SH3KBP1: variants seen among roughly 807,000 people sequenced by gnomAD.
The protein encoded by SH3KBP1 is SH3 domain-containing kinase-binding protein 1.
SH3KBP1 carries 8 observed loss-of-function variants against 50.1 expected under a neutral mutation model. The ratio of observed to expected loss-of-function variants is 0.16; its 90% confidence interval spans 0.09 to 0.29. The LOEUF (loss-of-function observed/expected upper bound fraction) is 0.29. Ranked by LOEUF, SH3KBP1 falls within the 10% of genes least tolerant of loss-of-function variation. The pLI, the probability that SH3KBP1 is intolerant of heterozygous loss-of-function variation, is 1.00. For synonymous variants in SH3KBP1, 227 were observed against 218.6 expected, an observed-to-expected ratio of 1.04 and a Z score of -0.34; for missense variants, 377 against 535.2, an observed-to-expected ratio of 0.70 and a Z score of 2.92.
In SH3KBP1 at chrX:19,793,313, A is replaced by AATAT. The variant is rs777838672; in HGVS notation, c.162+42808_162+42811dup. Among the ~76,000 whole-genome samples the AATAT allele has an allele frequency of 2.9e-3, 282 of 96,955 alleles. 1 individual carries two copies. Among genetic ancestry groups the AATAT allele is most frequent in the African/African-American group, 4.3e-3 (111 of 25,710 alleles). 84.2% of individuals were successfully genotyped at this position (96,955 alleles called of 115,157 possible). A position where few individuals can be genotyped will look rare whatever the true frequency, so the allele number is the denominator to read the frequency against. ...CAAGACATTGTCTCAAGGAAAAAAA[A>AATAT]ATATATATATATATATATATATATC... On this transcript the variant is annotated intron_variant, in intron 2 of 17. Coordinates refer to ENST00000397821, the MANE Select transcript of SH3KBP1 (RefSeq NM_031892.3).
At chrX:19,872,121 G>T (rs1478192735) in intron 1 of SH3KBP1, among the ~76,000 whole-genome samples, 6 of 108,106 alleles carry the variant, frequency 5.6e-5, no homozygotes, top group Non-Finnish European at 9.6e-5. Flanking sequence ...GCATGGTGAC[G>T]CATGGCTGTA....
At position 19,771,719 on chromosome X, in the gene SH3KBP1, C is replaced by T. The variant is rs147508550; in HGVS notation, c.163-25278G>A. On this transcript the variant is annotated intron_variant, in intron 2 of 17. Transcript: ENST00000397821. ...TCTCTACTAAAACTACAGAAATTAGCCAGGCATGGTGGTGCGCACCAGTAA... is the reference window on the plus strand; with the variant it reads ...TCTCTACTAAAACTACAGAAATTAGTCAGGCATGGTGGTGCGCACCAGTAA... Among the ~76,000 whole-genome samples, 625 of 109,626 alleles carry T rather than the reference C, an allele frequency of 5.7e-3. 7 individuals carry two copies. The highest frequency in any genetic ancestry group is 0.019 in the African/African-American group (568 of 30,099).
chrX:19,852,928 AAGTGGATCAACATTACAAC>A (rs201416083), intron 1 of SH3KBP1, among the ~76,000 whole-genome samples: 2,370 of 111,169 alleles, frequency 0.021, 74 homozygotes, highest in African/African-American at 0.074. Flanking sequence ...CATTGGATAA[AAGTGGATCAACATTACAAC>A]AGTGATATAA....
In SH3KBP1 at chrX:19,536,329, T is replaced by G. The variant is rs1398154150; in HGVS notation, c.*88A>C. On this transcript the variant is annotated 3_prime_UTR_variant, in exon 18 of 18. Transcript: ENST00000397821. Reference sequence around the variant, plus strand: ...GGGACATTTTGAGGCAAACCTTTAATCTTTTGGCACAAGATTATTTTGGCT... The same window carrying G: ...GGGACATTTTGAGGCAAACCTTTAAGCTTTTGGCACAAGATTATTTTGGCT... 1 of 612,316 alleles carries G rather than the reference T, an allele frequency of 1.6e-6. No individual in the cohort carries two copies. Among genetic ancestry groups the G allele is most frequent in the Non-Finnish European group, 2.6e-6 (1 of 382,652 alleles). The allele number at this position is 612,316 out of a possible 1,213,427, so 50.5% of individuals were successfully genotyped here. A position where few individuals can be genotyped will look rare whatever the true frequency, so the allele number is the denominator to read the frequency against.
intron 3 of SH3KBP1, among the ~76,000 whole-genome samples, chrX:19,724,404 G>A (rs1470224454): frequency 6.2e-5 from 7 of 112,139 alleles, no homozygotes; most frequent in Non-Finnish European, 9.4e-5. Flanking sequence ...TATATATTAC[G>A]TATATCTCTT....
chrX:19,653,358 A>G (rs1251721120), intron 6 of SH3KBP1, among the ~76,000 whole-genome samples: 1 of 111,391 alleles, frequency 9.0e-6, no homozygotes, highest in Non-Finnish European at 1.9e-5. Context: ...ACAAGACTCA[A>G]TTTTTAATCA....
At chrX:19,718,482 G>C (rs972756146) in intron 3 of SH3KBP1, among the ~76,000 whole-genome samples, 1 of 111,630 alleles carries the variant, frequency 9.0e-6, no homozygotes, top group Non-Finnish European at 1.9e-5. Flanking sequence ...AGGCAGATTG[G>C]GGGAAGGGTA....
At chrX:19,878,472 T>TTGTGTGTGTGTG (rs56786885) in intron 1 of SH3KBP1, among the ~76,000 whole-genome samples, 62 of 73,033 alleles carry the variant, frequency 8.5e-4, no homozygotes, top group African/African-American at 3.8e-3. Flanking sequence ...CCTGGCTAAT[T>TTGTGTGTGTGTG]TGTGTGTGTG....
intron 12 of SH3KBP1, among the ~76,000 whole-genome samples, chrX:19,585,690 CCAGCAGCAGCAGCAG>C (rs760758680): frequency 9.2e-6 from 1 of 108,706 alleles, no homozygotes; most frequent in Non-Finnish European, 1.9e-5. Flanking sequence ...ACCACCACTA[CCAGCAGCAGCAGCAG>C]CAGCAGCAGC....
chrX:19,773,343 A>G (rs906158663), intron 2 of SH3KBP1, among the ~76,000 whole-genome samples: 1 of 111,379 alleles, frequency 9.0e-6, no homozygotes, highest in East Asian at 2.8e-4. Context: ...CTAAAACCGT[A>G]AATCCACAGG....
chrX:19,629,579 T>C (rs922876531), intron 8 of SH3KBP1, among the ~76,000 whole-genome samples: 1 of 110,846 alleles, frequency 9.0e-6, no homozygotes, highest in African/African-American at 3.3e-5. Context: ...CCTGGACAGA[T>C]ACAGAACAAC....
At chrX:19,619,314 C>G (rs1251540906) in intron 8 of SH3KBP1, among the ~76,000 whole-genome samples, 2 of 111,831 alleles carry the variant, frequency 1.8e-5, no homozygotes, top group African/African-American at 3.2e-5. Flanking sequence ...AACCAAAAAA[C>G]AGTAATCATG....
At chrX:19,764,504 A>AG (rs1352168043) in intron 2 of SH3KBP1, among the ~76,000 whole-genome samples, 2 of 110,656 alleles carry the variant, frequency 1.8e-5, no homozygotes, top group Non-Finnish European at 3.8e-5. Context: ...AAATACCCAG[A>AG]GGCCCCCAGA....
In SH3KBP1 at chrX:19,643,321, T is replaced by A. The variant is rs760988563; in HGVS notation, c.802+2079A>T. Among the ~76,000 whole-genome samples the A allele has an allele frequency of 7.0e-4, 61 of 86,592 alleles. 1 individual carries two copies. In the South Asian group the frequency reaches 0.024, roughly 34 times the overall value. The allele number at this position is 86,592 out of a possible 115,157, so 75.2% of individuals were successfully genotyped here. On this transcript the variant is annotated intron_variant, in intron 7 of 17. Transcript: ENST00000397821. ...AAGAATTTTTTATTTTTTTTTTTTT[T>A]ATTTTTTTTTTTTTTTGAGACAGGG... is the stretch of plus-strand genomic sequence containing the variant.
chrX:19,726,226 C>T (rs2064218232), intron 3 of SH3KBP1, among the ~76,000 whole-genome samples: 1 of 111,673 alleles, frequency 9.0e-6, no homozygotes, highest in Non-Finnish European at 1.9e-5. Context: ...ATCCAAGGTG[C>T]TGCATGGAGT....
At chrX:19,610,775 A>T in intron 8 of SH3KBP1, among the ~76,000 whole-genome samples, 1 of 111,939 alleles carries the variant, frequency 8.9e-6, no homozygotes, top group East Asian at 2.8e-4. Flanking sequence ...AATAATCTGA[A>T]ATCTTTACAT....
intron 16 of SH3KBP1, among the ~76,000 whole-genome samples, chrX:19,539,208 T>C (rs1238716392): frequency 2.7e-5 from 3 of 112,230 alleles, no homozygotes; most frequent in Non-Finnish European, 5.6e-5. Context: ...CCATTTTACA[T>C]GCATATTTTT....
rs772055900 is a variant in SH3KBP1 at position 19,790,690 on chromosome X, T to C, written c.163-44249A>G. Reference sequence around the variant, plus strand: ...GGAGAAGATGGGGAATGAAGAAACATCAGAAAAGACGTCATGGAAGAGATA... The same window carrying C: ...GGAGAAGATGGGGAATGAAGAAACACCAGAAAAGACGTCATGGAAGAGATA... On this transcript the variant is annotated intron_variant, in intron 2 of 17. Coordinates refer to ENST00000397821, the MANE Select transcript of SH3KBP1 (RefSeq NM_031892.3). 1.3e-3 allele frequency among the ~76,000 whole-genome samples: 145 copies of C among 110,462 alleles called. 1 individual carries two copies. Among genetic ancestry groups the C allele is most frequent in the Middle Eastern group, 4.7e-3 (1 of 215 alleles).
intron 12 of SH3KBP1, among the ~76,000 whole-genome samples, chrX:19,582,622 A>G (rs759948794): frequency 1.8e-5 from 2 of 111,384 alleles, no homozygotes; most frequent in South Asian, 3.8e-4. Flanking sequence ...CCAGCCATCA[A>G]CTTTGCCCTG....
Sources: gnomAD v4.1 joint callset for allele counts (sites outside exome capture counted in the v4.1 genomes callset) on GRCh38, gnomAD v4.1.1 for gene constraint, MANE v1.5 for transcripts, NCBI Gene and HGNC (gene_info 2026-07-23, HGNC 2026-07-21) for gene names.